The following ITIH2 variants were observed in gnomAD, a reference collection of about 807,000 sequenced individuals.
The protein encoded by ITIH2 is inter-alpha-trypsin inhibitor heavy chain 2, also known as inter-alpha-trypsin inhibitor heavy chain H2.
ITIH2 carries 103 observed loss-of-function variants against 104.4 expected under a neutral mutation model. The ratio of observed to expected loss-of-function variants is 0.99; its 90% CI spans 0.84 to 1.16. The LOEUF (loss-of-function observed/expected upper bound fraction) is 1.16, where lower values mean the gene tolerates loss of function less well. Ranked by LOEUF, ITIH2 falls within the 50% of genes most tolerant of loss-of-function variation. The pLI, the probability that ITIH2 is intolerant of heterozygous loss-of-function variation, is 0.00. For missense variants in ITIH2, 1,108 were observed against 1,162.4 expected, an observed-to-expected ratio of 0.95 and a Z score of 0.68; for synonymous variants, 436 against 435.4, an observed-to-expected ratio of 1.00 and a Z score of -0.02.
intron 20 of ITIH2, 66 bp from the exon 21 acceptor site, chr10:7,749,119 GAA>G: frequency 2.0e-6 from 3 of 1,507,162 alleles, no homozygotes; most frequent in Admixed American, 1.8e-5. Flanking sequence ...GAACAGCAAG[GAA>G]AAGAGGGAGT....
intron 11 of ITIH2, among the ~76,000 whole-genome samples, chr10:7,729,178 C>T (rs984284541): frequency 8.6e-5 from 13 of 151,994 alleles, no homozygotes; most frequent in Non-Finnish European, 1.3e-4. Flanking sequence ...CCTGACAGGG[C>T]GGCGTGTGCC....
intron 6 of ITIH2, among the ~76,000 whole-genome samples, chr10:7,719,771 AAAAAAAAAAAAAG>A (rs1215727008): frequency 6.8e-6 from 1 of 147,868 alleles, no homozygotes. Flanking sequence ...AAAAAAAAAA[AAAAAAAAAAAAAG>A]AAAGAAAGAA....
chr10:7,732,280 A>G (rs1835010703), intron 13 of ITIH2, 58 bp from the exon 14 acceptor site: 4 of 1,554,824 alleles, frequency 2.6e-6, no homozygotes, highest in Admixed American at 1.8e-5. Context: ...AAAAATGTGA[A>G]TCAATGAACT....
chr10:7,709,955 A>G (rs1834781455), intron 4 of ITIH2, among the ~76,000 whole-genome samples: 3 of 151,806 alleles, frequency 2.0e-5, no homozygotes, highest in African/African-American at 7.3e-5. Context: ...CCGGGTTCAC[A>G]CCATTCTCCT....
At chr10:7,735,664 CT>C (rs1474485148) in intron 15 of ITIH2, among the ~76,000 whole-genome samples, 1 of 145,398 alleles carries the variant, frequency 6.9e-6, no homozygotes, top group Non-Finnish European at 1.5e-5. Flanking sequence ...CTTTTCTTTT[CT>C]TTTCTTTTCT....
At chr10:7,740,346 C>T (rs1835112569) in intron 16 of ITIH2, among the ~76,000 whole-genome samples, 1 of 152,188 alleles carries the variant, frequency 6.6e-6, no homozygotes, top group African/African-American at 2.4e-5. Context: ...CCTACCCCAG[C>T]TCCATAGGGA....
intron 8 of ITIH2, among the ~76,000 whole-genome samples, chr10:7,722,758 C>T (rs75078296): frequency 0.013 from 1,956 of 152,336 alleles, 21 homozygotes; most frequent in Admixed American, 0.02. Flanking sequence ...CCCCTGGGTG[C>T]GCGTTAGATG....
chr10:7,743,080 G>A (rs1020485616), intron 16 of ITIH2, 66 bp from the exon 17 acceptor site: 5 of 774,188 alleles, frequency 6.5e-6, no homozygotes, highest in South Asian at 3.3e-5. Context: ...GTTCAGGAAT[G>A]ACATAGTGCT....
chr10:7,708,069 G>A (rs909590561), intron 3 of ITIH2, among the ~76,000 whole-genome samples: 7 of 152,234 alleles, frequency 4.6e-5, no homozygotes, highest in Non-Finnish European at 1.0e-4. Flanking sequence ...GCACACTTCA[G>A]GGGGAGGAAG....
At chr10:7,737,634 TTCTATAG>T (rs1455910556) in intron 15 of ITIH2, among the ~76,000 whole-genome samples, 4 of 105,890 alleles carry the variant, frequency 3.8e-5, no homozygotes, top group African/African-American at 4.1e-5. Context: ...ATATTCTATA[TTCTATAG>T]AATATTCTAT....
At chr10:7,714,284 G>C (rs917188782) in intron 5 of ITIH2, among the ~76,000 whole-genome samples, 1 of 148,006 alleles carries the variant, frequency 6.8e-6, no homozygotes, top group Non-Finnish European at 1.5e-5. Context: ...CCATTCTCCT[G>C]CCTCAGCCTC....
intron 3 of ITIH2, 70 bp downstream of exon 3, chr10:7,707,303 G>T (rs1416537019): frequency 2.6e-6 from 3 of 1,161,938 alleles, no homozygotes; most frequent in East Asian, 2.4e-5. Context: ...ATCAATCTGG[G>T]TGTCTCTTTT....
chr10:7,744,424 C>T (rs1835156741), intron 18 of ITIH2, 144 bp downstream of exon 18: 1 of 759,608 alleles, frequency 1.3e-6, no homozygotes, highest in African/African-American at 1.8e-5. Context: ...GTTCTCACTC[C>T]CTACTCTGTT....
At chr10:7,748,465 C>G (rs1474147617) in intron 20 of ITIH2, among the ~76,000 whole-genome samples, 1 of 135,732 alleles carries the variant, frequency 7.4e-6, no homozygotes, top group South Asian at 2.4e-4. Flanking sequence ...TCAGAAACAG[C>G]AGGTATCACT....
Position 7,705,176 on chromosome 10 carries a change from A to T in ITIH2, c.153A>T (p.Arg51Ser). Residue 51 changes from arginine to serine, a missense_variant, in exon 2 of 21, where the codon AGA becomes AGT. Coordinates refer to ENST00000358415, the MANE Select transcript of ITIH2 (RefSeq NM_002216.3). ...TTCAATTGGTGGCAGAGAACCGGAG[A>T]TATCAGGTATAGTAAGGTTTACTCC... ...GKFQLVAENR[R>S]YQRSLPGESE... 6.2e-7 allele frequency: 1 copy of T among 1,607,364 alleles called. No homozygotes were observed. Among genetic ancestry groups the T allele is most frequent in the Non-Finnish European group, 8.5e-7 (1 of 1,174,050 alleles).
intron 11 of ITIH2, among the ~76,000 whole-genome samples, chr10:7,729,666 G>A (rs1397912959): frequency 4.6e-5 from 7 of 151,658 alleles, no homozygotes; most frequent in African/African-American, 7.3e-5. Context: ...AGTATCTCAC[G>A]GTTTAAATGT....
intron 2 of ITIH2, 63 bp downstream of exon 2, chr10:7,705,245 CA>C: frequency 8.4e-7 from 1 of 1,189,192 alleles, no homozygotes; most frequent in Non-Finnish European, 1.2e-6. Context: ...CAGAAGAAGA[CA>C]AGTGTTAAGA....
intron 15 of ITIH2, among the ~76,000 whole-genome samples, chr10:7,735,439 C>T (rs1344430993): frequency 6.6e-6 from 1 of 152,028 alleles, no homozygotes. Context: ...ATGGTGGGCA[C>T]CTGTAATCTC....
Position 7,723,483 on chromosome 10 carries a change from T to C in ITIH2, c.900T>C (p.Ala300=), listed in dbSNP as rs754123214. 6.2e-6 allele frequency: 10 copies of C among 1,613,460 alleles called. No individual in the cohort carries two copies. In the African/African-American group the frequency reaches 1.3e-4, roughly 22 times the overall value. ...VFNGYFVHFF[A]PDNLDPIPKN... ...ATGGATATTTTGTCCACTTCTTTGC[T>C]CCTGACAACCTGGACCCAATTCCCA... The change falls in exon 9 of 21, where the codon GCT becomes GCC. Residue 300 remains alanine, a synonymous_variant. Coordinates refer to ENST00000358415, the MANE Select transcript of ITIH2 (RefSeq NM_002216.3).
Sources: allele counts gnomAD v4.1 joint callset (sites outside exome capture counted in the v4.1 genomes callset), GRCh38; gene constraint gnomAD v4.1.1; transcripts MANE v1.5; gene names NCBI Gene and HGNC (gene_info 2026-07-23, HGNC 2026-07-21).